SLC2A13: variants seen among roughly 807,000 people sequenced by gnomAD.
The protein encoded by SLC2A13 is proton myo-inositol cotransporter.
Under a neutral mutation model 64.4 loss-of-function variants are expected in SLC2A13, and 32 were observed. The observed-to-expected ratio is 0.50, with a 90% CI of 0.37 to 0.67. The LOEUF (loss-of-function observed/expected upper bound fraction) is 0.67, where lower values mean the gene tolerates loss of function less well. Ranked by LOEUF, SLC2A13 falls within the 30% of genes least tolerant of loss-of-function variation. The probability of loss-of-function intolerance (pLI) is 0.00; values close to 1 mark genes in which losing one functional copy is unlikely to be tolerated. For missense variants in SLC2A13, 743 were observed against 829.2 expected (o/e 0.90, Z 1.28); for synonymous variants, 338 against 327.1 (o/e 1.03, Z -0.36).
At chr12:40,098,589 G>GGAGT (rs887420569) in intron 1 of SLC2A13, among the ~76,000 whole-genome samples, 3 of 152,204 alleles carry the variant, frequency 2.0e-5, no homozygotes, top group East Asian at 1.9e-4. Context: ...GTTTCAGGGA[G>GGAGT]GAGTGAGTGA....
chr12:39,976,583 T>TGG (rs555695663), intron 3 of SLC2A13, among the ~76,000 whole-genome samples: 120 of 152,098 alleles, frequency 7.9e-4, no homozygotes, highest in African/African-American at 2.7e-3. Context: ...TTTTAAAGAC[T>TGG]GGGGGGGTCT....
intron 3 of SLC2A13, among the ~76,000 whole-genome samples, chr12:39,953,096 A>T (rs1946259811): frequency 6.6e-6 from 1 of 152,200 alleles, no homozygotes; most frequent in Admixed American, 6.6e-5. Flanking sequence ...CTTTGGAAAG[A>T]TGCATCTACT....
At chr12:39,853,672 T>A (rs1326770597) in intron 6 of SLC2A13, among the ~76,000 whole-genome samples, 1 of 151,836 alleles carries the variant, frequency 6.6e-6, no homozygotes, top group Non-Finnish European at 1.5e-5. Context: ...TGCTACAGCC[T>A]GGTGTTTCAT....
chr12:39,864,961 C>T (rs1368384284), intron 5 of SLC2A13, 79 bp from the exon 6 acceptor site: 4 of 1,291,970 alleles, frequency 3.1e-6, no homozygotes, highest in African/African-American at 3.1e-5. Flanking sequence ...AAAAACAAAC[C>T]AAAAAACAAA....
At chr12:39,919,045 A>G (rs1243947679) in intron 4 of SLC2A13, among the ~76,000 whole-genome samples, 1 of 151,426 alleles carries the variant, frequency 6.6e-6, no homozygotes, top group East Asian at 1.9e-4. Context: ...CAGTGGTTCA[A>G]TCATAGCTCC....
In SLC2A13 at chr12:40,045,365, C is replaced by A. The variant is rs995647531; in HGVS notation, c.716+2686G>T. ...AGATTTTTCCTTAAGATTTTTGAAA[C>A]ATATTGCTATAAAAGTGATGAGTTA... is the stretch of plus-strand genomic sequence containing the variant. On this transcript the variant is annotated intron_variant, in intron 2 of 9. Transcript: ENST00000280871. Among the ~76,000 whole-genome samples, 3 of 151,652 alleles carry A rather than the reference C, an allele frequency of 2.0e-5. No homozygotes were observed. The East Asian group carries it at 5.8e-4, about 29-fold the overall frequency.
intron 4 of SLC2A13, among the ~76,000 whole-genome samples, chr12:39,894,530 A>C (rs1198621938): frequency 6.6e-6 from 1 of 152,246 alleles, no homozygotes; most frequent in Non-Finnish European, 1.5e-5. Flanking sequence ...CTCCTGCTGA[A>C]TTGATTTAGC....
At chr12:39,771,678 A>G (rs1241894066) in intron 7 of SLC2A13, among the ~76,000 whole-genome samples, 2 of 152,072 alleles carry the variant, frequency 1.3e-5, no homozygotes, top group African/African-American at 4.8e-5. Context: ...TAGTAAATGA[A>G]TACAGTTTCC....
At chr12:39,834,798 T>C (rs1373639907) in intron 6 of SLC2A13, among the ~76,000 whole-genome samples, 1 of 152,094 alleles carries the variant, frequency 6.6e-6, no homozygotes, top group Non-Finnish European at 1.5e-5. Flanking sequence ...TAGACTATTT[T>C]ATGGCAAAAT....
At chr12:39,995,090 T>C (rs1166335403) in intron 3 of SLC2A13, among the ~76,000 whole-genome samples, 2 of 152,212 alleles carry the variant, frequency 1.3e-5, no homozygotes, top group Non-Finnish European at 2.9e-5. Context: ...AGCATGATGC[T>C]TTAAAACAAA....
chr12:40,040,634 C>T (rs1948071216), intron 2 of SLC2A13, among the ~76,000 whole-genome samples: 2 of 152,150 alleles, frequency 1.3e-5, no homozygotes, highest in African/African-American at 2.4e-5. Flanking sequence ...TCAGGTGATC[C>T]ACCAGCTTTG....
At chr12:39,832,615 G>A (rs1942886094) in intron 6 of SLC2A13, among the ~76,000 whole-genome samples, 1 of 152,018 alleles carries the variant, frequency 6.6e-6, no homozygotes, top group South Asian at 2.1e-4. Flanking sequence ...ACTATGCTAG[G>A]TGCTGGGACA....
chr12:39,976,970 G>A (rs1328740021), intron 3 of SLC2A13, among the ~76,000 whole-genome samples: 1 of 152,012 alleles, frequency 6.6e-6, no homozygotes, highest in East Asian at 1.9e-4. Flanking sequence ...GCATTAAAAT[G>A]TTTTCCTAAA....
rs2135993637 is a variant in SLC2A13 at position 39,895,766 on chromosome 12, ACAT to A, written c.1035-23808_1035-23806del. Among the ~76,000 whole-genome samples the A allele has an allele frequency of 2.9e-5, 2 of 68,026 alleles. 1 individual carries two copies. The highest frequency in any genetic ancestry group is 6.4e-4 in the East Asian group (2 of 3,128). The allele number at this position is 68,026 out of a possible 152,430, so 44.6% of individuals were successfully genotyped here. On this transcript the variant is annotated intron_variant, in intron 4 of 9. Transcript: ENST00000280871. ...CATGTATATGCGTGTATACGTACAC[ACAT>A]GTATATGCGTGTATACGTACACACA...
rs1359298996 is a variant in SLC2A13, at chr12:39,828,368, TTTCTC to T, written c.1445+1730_1445+1734del. ...GCTACTTAGTTATCTGTGCCTTACT[TTTCTC>T]TAATTTATGTGCAGTTACAGGATGA... On this transcript the variant is annotated intron_variant, in intron 7 of 9. Transcript: ENST00000280871. Among the ~76,000 whole-genome samples, 4 of 152,274 alleles carry T rather than the reference TTTCTC, an allele frequency of 2.6e-5. No homozygotes were observed. The East Asian group carries it at 7.7e-4, about 29-fold the overall frequency.
chr12:39,903,148 A>G (rs1592268515), intron 4 of SLC2A13, among the ~76,000 whole-genome samples: 1 of 152,312 alleles, frequency 6.6e-6, no homozygotes, highest in South Asian at 2.1e-4. Context: ...TCTGATAGGC[A>G]TAGGCCTAAT....
intron 7 of SLC2A13, among the ~76,000 whole-genome samples, chr12:39,770,015 C>T (rs1488413370): frequency 2.0e-5 from 3 of 151,754 alleles, no homozygotes; most frequent in Admixed American, 6.6e-5. Context: ...GCTGACAACT[C>T]TCCTTCCTTC....
At chr12:39,864,305 C>T (rs1027080875) in intron 6 of SLC2A13, among the ~76,000 whole-genome samples, 20 of 152,156 alleles carry the variant, frequency 1.3e-4, no homozygotes, top group Admixed American at 4.6e-4. Context: ...GGAAAACTTT[C>T]CTTCTGTTTA....
intron 3 of SLC2A13, among the ~76,000 whole-genome samples, chr12:39,984,171 G>A (rs1253345178): frequency 3.3e-5 from 5 of 149,402 alleles, no homozygotes; most frequent in Non-Finnish European, 5.9e-5. Flanking sequence ...ACAATCTGGG[G>A]ACTGTGGTGG....
Sources: allele counts gnomAD v4.1 joint callset (sites outside exome capture counted in the v4.1 genomes callset), GRCh38; gene constraint gnomAD v4.1.1; transcripts MANE v1.5; gene names NCBI Gene and HGNC (gene_info 2026-07-23, HGNC 2026-07-21).